Variants in DPP10 observed in about 807,000 individuals in gnomAD.
DPP10 encodes the protein dipeptidyl peptidase like 10.
Under a neutral mutation model 120.9 loss-of-function variants are expected in DPP10, and 33 were observed. The observed-to-expected ratio is 0.27, with a 90% CI of 0.21 to 0.37. DPP10 has a LOEUF of 0.37. Among genes scored for constraint, DPP10 ranks in the 10% least tolerant of loss-of-function variants. The probability of loss-of-function intolerance (pLI) is 1.00; values close to 1 mark genes in which losing one functional copy is unlikely to be tolerated. For missense variants in DPP10, 816 were observed against 942.8 expected (o/e 0.87, Z 1.76); for synonymous variants, 337 against 326.1 (o/e 1.03, Z -0.36).
At chr2:115,392,094 G>A (rs17453124) in intron 3 of DPP10, among the ~76,000 whole-genome samples, 4,094 of 152,088 alleles carry the variant, frequency 0.027, 72 homozygotes, top group South Asian at 0.06. Flanking sequence ...TCCCTTTTAG[G>A]CACAACTATT....
chr2:115,382,154 A>G (rs958481125), intron 3 of DPP10, among the ~76,000 whole-genome samples: 4 of 151,980 alleles, frequency 2.6e-5, no homozygotes, highest in Admixed American at 6.5e-5. Flanking sequence ...CCCCTCCCCC[A>G]GCCTCACTGC....
chr2:115,654,397 A>G (rs2088095050), intron 5 of DPP10, among the ~76,000 whole-genome samples: 1 of 151,906 alleles, frequency 6.6e-6, no homozygotes, highest in African/African-American at 2.4e-5. Context: ...TGGAATGTCA[A>G]TAGATACAGG....
intron 3 of DPP10, among the ~76,000 whole-genome samples, chr2:115,376,717 A>G (rs957807939): frequency 9.1e-6 from 1 of 109,528 alleles, no homozygotes; most frequent in African/African-American, 3.5e-5. Context: ...CCACCCCACA[A>G]CAGTCCCCAG....
At chr2:115,011,752 A>G (rs776378404) in intron 1 of DPP10, among the ~76,000 whole-genome samples, 4 of 152,158 alleles carry the variant, frequency 2.6e-5, no homozygotes, top group Non-Finnish European at 4.4e-5. Flanking sequence ...GAACTACTGC[A>G]AGAATGTACC....
chr2:114,662,828 G>T (rs1047777902), intron 1 of DPP10, among the ~76,000 whole-genome samples: 4 of 152,138 alleles, frequency 2.6e-5, no homozygotes, highest in South Asian at 2.1e-4. Flanking sequence ...CGATTTGAGG[G>T]CTTAGGTCCA....
At chr2:114,690,040 C>A (rs1054484797) in intron 1 of DPP10, among the ~76,000 whole-genome samples, 1 of 151,924 alleles carries the variant, frequency 6.6e-6, no homozygotes, top group African/African-American at 2.4e-5. Context: ...GTTGTCTGTT[C>A]ACTCTGATGA....
intron 1 of DPP10, among the ~76,000 whole-genome samples, chr2:115,045,490 T>G (rs1704995497): frequency 6.6e-6 from 1 of 152,334 alleles, no homozygotes; most frequent in East Asian, 1.9e-4. Flanking sequence ...TTATTATTTC[T>G]TTGAATAAAC....
intron 1 of DPP10, among the ~76,000 whole-genome samples, chr2:114,479,916 A>C (rs1384790396): frequency 6.6e-6 from 1 of 152,036 alleles, no homozygotes; most frequent in Non-Finnish European, 1.5e-5. Flanking sequence ...CCACCATCAG[A>C]GTGAACAGGC....
intron 5 of DPP10, among the ~76,000 whole-genome samples, chr2:115,597,124 C>A (rs2083038046): frequency 6.6e-6 from 1 of 151,910 alleles, no homozygotes; most frequent in South Asian, 2.1e-4. Context: ...CTGGGTCCCC[C>A]AAAAGAGACA....
chr2:115,659,701 A>C (rs1317731371), intron 5 of DPP10, among the ~76,000 whole-genome samples: 2 of 152,254 alleles, frequency 1.3e-5, no homozygotes, highest in African/African-American at 4.8e-5. Context: ...TTGTATGTCT[A>C]ATATACAGAG....
At chr2:115,182,113 A>G (rs1271748990) in intron 1 of DPP10, among the ~76,000 whole-genome samples, 4 of 152,220 alleles carry the variant, frequency 2.6e-5, no homozygotes, top group African/African-American at 9.6e-5. Flanking sequence ...AAATATATTT[A>G]TTTGAGAATA....
intron 1 of DPP10, among the ~76,000 whole-genome samples, chr2:115,182,315 G>A (rs1463506787): frequency 6.6e-6 from 1 of 152,182 alleles, no homozygotes; most frequent in Admixed American, 6.5e-5. Context: ...AGATACTTTA[G>A]TTGTGAGATA....
chr2:114,577,730 G>C lies in DPP10; in HGVS notation c.60+134892G>C, dbSNP rs1028242839. Among the ~76,000 whole-genome samples the C allele has an allele frequency of 2.0e-5, 3 of 152,162 alleles. No homozygotes were observed. In the East Asian group the frequency reaches 5.8e-4, roughly 29 times the overall value. On this transcript the variant is annotated intron_variant, in intron 1 of 25. Coordinates refer to ENST00000410059, the MANE Select transcript of DPP10 (RefSeq NM_020868.6). ...AGTTTGAGATCAAGGTGTTAGCCAG[G>C]TTGGTTTCTTCTGAGGGCTGTGAGA...
chr2:115,327,761 T>C (rs532688948), intron 2 of DPP10, among the ~76,000 whole-genome samples: 5 of 152,174 alleles, frequency 3.3e-5, no homozygotes, highest in South Asian at 2.1e-4. Flanking sequence ...CACACAGATA[T>C]TCAAAAGATG....
chr2:114,671,249 A>G (rs1698319910), intron 1 of DPP10, among the ~76,000 whole-genome samples: 1 of 152,178 alleles, frequency 6.6e-6, no homozygotes, highest in Non-Finnish European at 1.5e-5. Context: ...TTGTGTAAGT[A>G]CGTTCTATGA....
intron 1 of DPP10, among the ~76,000 whole-genome samples, chr2:114,987,480 C>T (rs1440632377): frequency 1.3e-5 from 2 of 151,976 alleles, no homozygotes; most frequent in Non-Finnish European, 2.9e-5. Flanking sequence ...TTCTTGTCTC[C>T]TCTCATGTCA....
rs1038447204 is a variant in DPP10, at chr2:114,960,082, T to C, written c.61-349157T>C. 2.0e-5 allele frequency among the ~76,000 whole-genome samples: 3 copies of C among 152,242 alleles called. No individual in the cohort carries two copies. The East Asian group carries it at 5.8e-4, about 29-fold the overall frequency. On this transcript the variant is annotated intron_variant, in intron 1 of 25. Coordinates refer to ENST00000410059, the MANE Select transcript of DPP10 (RefSeq NM_020868.6). ...AGCTAAGCAATGTTCATCTTATATG[T>C]GAATACCCAGTCAGATAATATAACT...
intron 1 of DPP10, among the ~76,000 whole-genome samples, chr2:114,617,379 T>G (rs1198028771): frequency 6.6e-6 from 1 of 152,122 alleles, no homozygotes; most frequent in African/African-American, 2.4e-5. Flanking sequence ...TATATGTAAA[T>G]AATTGACTTG....
intron 5 of DPP10, among the ~76,000 whole-genome samples, chr2:115,616,868 G>A (rs2084544984): frequency 6.6e-6 from 1 of 152,098 alleles, no homozygotes; most frequent in East Asian, 1.9e-4. Flanking sequence ...TCATGCTACT[G>A]ACTGCAGTGT....
Sources: gnomAD v4.1 joint callset for allele counts (sites outside exome capture counted in the v4.1 genomes callset) on GRCh38, gnomAD v4.1.1 for gene constraint, MANE v1.5 for transcripts, NCBI Gene and HGNC (gene_info 2026-07-23, HGNC 2026-07-21) for gene names.